Variants in LMX1A observed in about 807,000 individuals in gnomAD.
LMX1A encodes the protein LIM homeobox transcription factor 1-alpha.
Under a neutral mutation model 49.1 loss-of-function variants are expected in LMX1A, and 15 were observed. The ratio of observed to expected loss-of-function variants is 0.31; its 90% CI spans 0.20 to 0.47. The LOEUF is 0.47. LMX1A is among the 20% of genes least tolerant of loss of function. The pLI is 1.00. For synonymous variants in LMX1A, 167 were observed against 185.7 expected (o/e 0.90, Z 0.82); for missense variants, 372 against 475.8 (o/e 0.78, Z 2.03).
chr1:165,230,450 T>G (rs1357901404), intron 4 of LMX1A, among the ~76,000 whole-genome samples: 1 of 152,190 alleles, frequency 6.6e-6, no homozygotes, highest in Admixed American at 6.5e-5. Context: ...TGTCTTAATA[T>G]TCTCTGATGA....
At chr1:165,240,323 T>C (rs1652604768) in intron 4 of LMX1A, among the ~76,000 whole-genome samples, 1 of 152,174 alleles carries the variant, frequency 6.6e-6, no homozygotes. Flanking sequence ...TCAAGGTTTT[T>C]TTTTTTCTTT....
At chr1:165,229,384 C>T (rs1009793461) in intron 4 of LMX1A, among the ~76,000 whole-genome samples, 2 of 152,256 alleles carry the variant, frequency 1.3e-5, no homozygotes, top group East Asian at 1.9e-4. Flanking sequence ...ATGGCCCCCC[C>T]GTCACTTCTA....
chr1:165,280,229 C>T (rs1381395268), intron 3 of LMX1A, among the ~76,000 whole-genome samples: 1 of 152,206 alleles, frequency 6.6e-6, no homozygotes, highest in African/African-American at 2.4e-5. Context: ...CCCGTTTTTC[C>T]GTGCTGCTCC....
intron 3 of LMX1A, among the ~76,000 whole-genome samples, chr1:165,342,768 G>A (rs1489972559): frequency 6.6e-6 from 1 of 152,044 alleles, no homozygotes; most frequent in African/African-American, 2.4e-5. Flanking sequence ...AGCAGGTGGG[G>A]ACTTGTTTTC....
At chr1:165,229,342 T>C (rs1368712301) in intron 4 of LMX1A, among the ~76,000 whole-genome samples, 1 of 152,186 alleles carries the variant, frequency 6.6e-6, no homozygotes, top group Admixed American at 6.5e-5. Context: ...ATTCAGGACC[T>C]TGGGGAGAGC....
rs192399158 is a variant in LMX1A, at chr1:165,329,618, C to A, written c.263+23458G>T. ...AGTAAGTGCCCACATGCAACCCCCC[C>A]ACCCCCGCCACTGCAAAAAAAAAAA... On this transcript the variant is annotated intron_variant, in intron 3 of 8. Coordinates refer to ENST00000342310, the MANE Select transcript of LMX1A (RefSeq NM_177398.4). Among the ~76,000 whole-genome samples the A allele has an allele frequency of 7.3e-5, 11 of 150,868 alleles. No individual in the cohort carries two copies. The South Asian group carries it at 1.1e-3, about 15-fold the overall frequency.
At chr1:165,326,223 G>A (rs4578193) in intron 3 of LMX1A, among the ~76,000 whole-genome samples, 131,823 of 152,164 alleles carry the variant, frequency 0.87, 57,779 homozygotes, top group East Asian at 0.94. Flanking sequence ...ATGAGATAGG[G>A]GAGAAGATAT....
At chr1:165,310,098 G>A (rs985052077) in intron 3 of LMX1A, among the ~76,000 whole-genome samples, 1 of 152,214 alleles carries the variant, frequency 6.6e-6, no homozygotes, top group Non-Finnish European at 1.5e-5. Context: ...ATTTCACAGA[G>A]TTTCAGTCTC....
rs74118517 is a variant in LMX1A, at chr1:165,204,980, G to A, written c.988+884C>T. 2.8e-3 allele frequency among the ~76,000 whole-genome samples: 421 copies of A among 152,100 alleles called. 1 individual carries two copies. The highest frequency in any genetic ancestry group is 9.7e-3 in the African/African-American group (404 of 41,488). On this transcript the variant is annotated intron_variant, in intron 8 of 8. Coordinates refer to ENST00000342310, the MANE Select transcript of LMX1A (RefSeq NM_177398.4). Reference sequence around the variant, plus strand: ...GAATGTGTGATATGGGAAAGTAGGCGTGATTTTAACAACAGAATTTTTTTT... The same window carrying A: ...GAATGTGTGATATGGGAAAGTAGGCATGATTTTAACAACAGAATTTTTTTT...
chr1:165,303,875 G>C (rs865911198), intron 3 of LMX1A, among the ~76,000 whole-genome samples: 2 of 152,180 alleles, frequency 1.3e-5, no homozygotes, highest in Middle Eastern at 3.4e-3. Flanking sequence ...AGAGTATAAA[G>C]CTTTCCATAT....
chr1:165,295,835 G>C (rs1654600065), intron 3 of LMX1A, among the ~76,000 whole-genome samples: 1 of 152,160 alleles, frequency 6.6e-6, no homozygotes, highest in Non-Finnish European at 1.5e-5. Flanking sequence ...AAAGAACCGG[G>C]ATAAACATAA....
chr1:165,270,376 T>G (rs1317860600), intron 3 of LMX1A, among the ~76,000 whole-genome samples: 2 of 152,192 alleles, frequency 1.3e-5, no homozygotes, highest in African/African-American at 4.8e-5. Flanking sequence ...TAGAGAAATT[T>G]GGAGACTCAG....
At chr1:165,243,370 G>A (rs369003371) in intron 4 of LMX1A, among the ~76,000 whole-genome samples, 34 of 152,184 alleles carry the variant, frequency 2.2e-4, no homozygotes, top group African/African-American at 4.6e-4. Flanking sequence ...CCCTGCCTCC[G>A]CCCCCAGGTC....
chr1:165,222,323 A>G (rs1043756594), intron 4 of LMX1A, among the ~76,000 whole-genome samples: 2 of 152,162 alleles, frequency 1.3e-5, no homozygotes, highest in Non-Finnish European at 2.9e-5. Context: ...CAGCTTCCCT[A>G]TGGTTCACTA....
chr1:165,218,511 T>G (rs1651721178), intron 4 of LMX1A: 1 of 152,368 alleles, frequency 6.6e-6, no homozygotes, highest in Non-Finnish European at 1.5e-5. Context: ...ATATTATGGG[T>G]ATAGTGGCGC....
At chr1:165,353,327 G>A (rs1172553402) in intron 2 of LMX1A, 65 bp from the exon 3 acceptor site, 69 of 1,383,732 alleles carry the variant, frequency 5.0e-5, no homozygotes, top group Non-Finnish European at 6.6e-5. Context: ...AAACCTGGCC[G>A]GGACCCGCTC....
At chr1:165,349,176 G>C (rs551936294) in intron 3 of LMX1A, among the ~76,000 whole-genome samples, 1 of 152,322 alleles carries the variant, frequency 6.6e-6, no homozygotes, top group South Asian at 2.1e-4. Flanking sequence ...ATTTAACTGT[G>C]GGATCCCTTC....
At chr1:165,253,951 A>AG (rs1653144357) in intron 3 of LMX1A, among the ~76,000 whole-genome samples, 1 of 152,112 alleles carries the variant, frequency 6.6e-6, no homozygotes, top group Middle Eastern at 3.2e-3. Context: ...CATTGGGCAG[A>AG]AAATCCACCC....
chr1:165,271,108 C>T (rs1653779195), intron 3 of LMX1A, among the ~76,000 whole-genome samples: 1 of 152,196 alleles, frequency 6.6e-6, no homozygotes, highest in African/African-American at 2.4e-5. Flanking sequence ...TCTCTTTCCC[C>T]TTTACCAAGG....
Sources: gnomAD v4.1 joint callset for allele counts (sites outside exome capture counted in the v4.1 genomes callset) on GRCh38, gnomAD v4.1.1 for gene constraint, MANE v1.5 for transcripts, NCBI Gene and HGNC (gene_info 2026-07-23, HGNC 2026-07-21) for gene names.